The following CSMD1 variants were observed in gnomAD, a reference collection of about 807,000 sequenced individuals.
CSMD1 encodes CUB and Sushi multiple domains 1, also known as CUB and sushi domain-containing protein 1.
A neutral mutation model predicts 417.5 loss-of-function variants in CSMD1; 213 were observed. The observed-to-expected ratio is 0.51, with a 90% CI of 0.46 to 0.57. The LOEUF (loss-of-function observed/expected upper bound fraction) is 0.57. Ranked by LOEUF, CSMD1 falls within the 20% of genes least tolerant of loss-of-function variation. The pLI is 0.00. For missense variants in CSMD1, 6,923 were observed against 4,529.7 expected (o/e 1.53, Z -15.17); for synonymous variants, 2,862 against 1,736.8 (o/e 1.65, Z -16.11).
chr8:3,673,501 G>A (rs918312279), intron 7 of CSMD1, among the ~76,000 whole-genome samples: 29 of 152,288 alleles, frequency 1.9e-4, no homozygotes, highest in African/African-American at 6.5e-4. Flanking sequence ...CAACTGTGAT[G>A]TTCATAAACA....
intron 3 of CSMD1, among the ~76,000 whole-genome samples, chr8:4,308,148 G>A (rs762651927): frequency 2.0e-5 from 3 of 152,210 alleles, no homozygotes; most frequent in Non-Finnish European, 4.4e-5. Flanking sequence ...AGAGAAACAA[G>A]AGCGTTTCTT....
chr8:3,675,430 T>C (rs755353720), intron 7 of CSMD1, among the ~76,000 whole-genome samples: 1 of 152,200 alleles, frequency 6.6e-6, no homozygotes, highest in Admixed American at 6.5e-5. Context: ...GGAAGTCTTC[T>C]GGATGGAAAG....
At chr8:3,783,195 C>G (rs1175966447) in intron 5 of CSMD1, among the ~76,000 whole-genome samples, 3 of 152,210 alleles carry the variant, frequency 2.0e-5, no homozygotes, top group Non-Finnish European at 4.4e-5. Context: ...TGTTCAATCA[C>G]CATTCTTTCT....
chr8:4,725,866 A>G (rs765421538), intron 1 of CSMD1, among the ~76,000 whole-genome samples: 3 of 152,156 alleles, frequency 2.0e-5, no homozygotes, highest in African/African-American at 7.2e-5. Flanking sequence ...CTACCCTCCG[A>G]CATCTTGTAG....
At chr8:4,018,651 G>T (rs967339333) in intron 4 of CSMD1, among the ~76,000 whole-genome samples, 1 of 152,202 alleles carries the variant, frequency 6.6e-6, no homozygotes, top group Non-Finnish European at 1.5e-5. Flanking sequence ...GAAAACACTT[G>T]TTTAATTCAA....
intron 26 of CSMD1, among the ~76,000 whole-genome samples, chr8:3,282,789 T>C (rs1185737660): frequency 6.6e-6 from 1 of 152,196 alleles, no homozygotes; most frequent in African/African-American, 2.4e-5. Flanking sequence ...ACCTCAATTA[T>C]ATTAGCAACC....
At chr8:4,274,238 C>G (rs1170997942) in intron 3 of CSMD1, among the ~76,000 whole-genome samples, 1 of 152,096 alleles carries the variant, frequency 6.6e-6, no homozygotes, top group African/African-American at 2.4e-5. Flanking sequence ...CTGAAATAAT[C>G]AGCATTTTAT....
At chr8:3,148,961 G>A (rs901816027) in intron 40 of CSMD1, among the ~76,000 whole-genome samples, 1 of 152,172 alleles carries the variant, frequency 6.6e-6, no homozygotes, top group Non-Finnish European at 1.5e-5. Flanking sequence ...TTTCATGCCT[G>A]TTTGATTTGA....
intron 1 of CSMD1, among the ~76,000 whole-genome samples, chr8:4,693,866 T>C (rs986258647): frequency 1.8e-5 from 1 of 56,902 alleles, no homozygotes; most frequent in Non-Finnish European, 3.2e-5. Context: ...TTAACTCTTC[T>C]ATTTTCTAGG....
chr8:4,910,064 G>C (rs140568574), intron 1 of CSMD1, among the ~76,000 whole-genome samples: 1 of 152,276 alleles, frequency 6.6e-6, no homozygotes, highest in Non-Finnish European at 1.5e-5. Context: ...CCCACTTTCT[G>C]TAACTCACAA....
chr8:2,998,625 T>C (rs1205775264), intron 53 of CSMD1, among the ~76,000 whole-genome samples: 1 of 152,208 alleles, frequency 6.6e-6, no homozygotes, highest in Non-Finnish European at 1.5e-5. Context: ...CTTTTTAATG[T>C]CCATGTATAA....
chr8:3,957,309 A>G (rs1812022723), intron 5 of CSMD1, among the ~76,000 whole-genome samples: 2 of 152,164 alleles, frequency 1.3e-5, no homozygotes, highest in African/African-American at 4.8e-5. Flanking sequence ...ATATTTTTTT[A>G]GTTGTTTCTT....
Position 3,076,046 on chromosome 8 carries a change from G to A in CSMD1, c.7474+11051C>T, listed in dbSNP as rs372450016. On this transcript the variant is annotated intron_variant, in intron 49 of 69. Coordinates refer to ENST00000635120, the MANE Select transcript of CSMD1 (RefSeq NM_033225.6). ...AGCCTGGGCGACAGAGCGAGACTCC[G>A]TCTCAAAAAAAAGAAAAAAAAAAAA... Among the ~76,000 whole-genome samples the A allele has an allele frequency of 3.0e-3, 415 of 139,820 alleles. 6 individuals carry two copies. Among genetic ancestry groups the A allele is most frequent in the Middle Eastern group, 0.021 (6 of 286 alleles). 91.7% of individuals were successfully genotyped at this position (139,820 alleles called of 152,430 possible). A position where few individuals can be genotyped will look rare whatever the true frequency, so the allele number is the denominator to read the frequency against.
At chr8:3,954,149 G>A (rs924934986) in intron 5 of CSMD1, among the ~76,000 whole-genome samples, 11 of 152,136 alleles carry the variant, frequency 7.2e-5, no homozygotes, top group Non-Finnish European at 1.6e-4. Flanking sequence ...ATCACATATG[G>A]GTCTGTAGAA....
chr8:4,028,041 G>A (rs758769731), intron 4 of CSMD1, among the ~76,000 whole-genome samples: 1 of 152,122 alleles, frequency 6.6e-6, no homozygotes. Flanking sequence ...TACAGGTTTA[G>A]GTTTTGAGGC....
chr8:3,853,416 A>G (rs1372447163), intron 5 of CSMD1, among the ~76,000 whole-genome samples: 1 of 152,178 alleles, frequency 6.6e-6, no homozygotes, highest in African/African-American at 2.4e-5. Context: ...ATTTACTTTA[A>G]AAATGTATTT....
At chr8:4,487,430 C>T (rs781131944) in intron 2 of CSMD1, among the ~76,000 whole-genome samples, 8 of 152,222 alleles carry the variant, frequency 5.3e-5, no homozygotes, top group South Asian at 4.2e-4. Flanking sequence ...GTTTTTCGTT[C>T]TTGCGATACA....
chr8:3,332,674 T>TGTGTGTGGGAGTGCGC (rs1806982110), intron 23 of CSMD1, among the ~76,000 whole-genome samples: 5 of 152,134 alleles, frequency 3.3e-5, no homozygotes, highest in African/African-American at 9.7e-5. Flanking sequence ...TGGGAGTGCG[T>TGTGTGTGGGAGTGCGC]GCATGTGTGC....
At chr8:3,689,314 C>T (rs965455249) in intron 7 of CSMD1, among the ~76,000 whole-genome samples, 1 of 152,178 alleles carries the variant, frequency 6.6e-6, no homozygotes, top group Non-Finnish European at 1.5e-5. Flanking sequence ...AAGCCATCTC[C>T]AGATGATCTA....
Sources: gnomAD v4.1 joint callset for allele counts (sites outside exome capture counted in the v4.1 genomes callset) on GRCh38, gnomAD v4.1.1 for gene constraint, MANE v1.5 for transcripts, NCBI Gene and HGNC (gene_info 2026-07-23, HGNC 2026-07-21) for gene names.